Variants in PCDH15 observed in about 807,000 individuals in gnomAD.
PCDH15 encodes the protein protocadherin-15.
In PCDH15, 129 loss-of-function variants were observed where a neutral mutation model predicts 178.5. That is an observed-to-expected ratio of 0.72 (90% CI 0.63 to 0.84). PCDH15 has a LOEUF of 0.84. PCDH15 is among the 40% of genes least tolerant of loss of function. PCDH15 has a pLI of 0.00. For missense variants in PCDH15, 2,230 were observed against 2,099.9 expected (o/e 1.06, Z -1.21); for synonymous variants, 800 against 732.0 (o/e 1.09, Z -1.50).
At chr10:55,017,350 C>T (rs762779575) in intron 2 of PCDH15, among the ~76,000 whole-genome samples, 2 of 152,076 alleles carry the variant, frequency 1.3e-5, no homozygotes, top group Non-Finnish European at 2.9e-5. Flanking sequence ...TATGATAATA[C>T]TAATGGGAGT....
chr10:54,631,640 T>G (rs540454636), intron 2 of PCDH15, among the ~76,000 whole-genome samples: 1 of 152,196 alleles, frequency 6.6e-6, no homozygotes, highest in African/African-American at 2.4e-5. Context: ...AAAAGCCAAG[T>G]GTATTAGTCT....
intron 6 of PCDH15, among the ~76,000 whole-genome samples, chr10:54,343,947 G>T (rs960014028): frequency 5.9e-5 from 9 of 151,524 alleles, no homozygotes; most frequent in Non-Finnish European, 1.2e-4. Flanking sequence ...TTGCTTTATT[G>T]AAATGTTATT....
intron 18 of PCDH15, among the ~76,000 whole-genome samples, chr10:54,057,069 G>A (rs2135701844): frequency 6.6e-6 from 1 of 152,322 alleles, no homozygotes; most frequent in South Asian, 2.1e-4. Context: ...CCACCCCTGT[G>A]ACTTTGAAGG....
intron 3 of PCDH15, among the ~76,000 whole-genome samples, chr10:54,379,792 AC>A: frequency 6.6e-6 from 1 of 152,066 alleles, no homozygotes; most frequent in East Asian, 1.9e-4. Flanking sequence ...ATCATTTTCA[AC>A]CGATCCATTT....
chr10:54,236,942 A>C lies in PCDH15; in HGVS notation c.877-11T>G. ...GGGGTTCAGTTCTTCCTGAAAAAAAAATTAAGAGAGTTTCATTCAGCCGCA... is the reference window on the plus strand; with the variant it reads ...GGGGTTCAGTTCTTCCTGAAAAAAACATTAAGAGAGTTTCATTCAGCCGCA... On this transcript the variant is annotated splice_polypyrimidine_tract_variant and intron_variant, in intron 8 of 37. Transcript: ENST00000644397. 1 of 1,600,420 alleles carries C rather than the reference A, an allele frequency of 6.2e-7. No homozygotes were observed. Among genetic ancestry groups the C allele is most frequent in the Non-Finnish European group, 8.6e-7 (1 of 1,167,658 alleles).
intron 1 of PCDH15, among the ~76,000 whole-genome samples, chr10:54,733,779 A>G (rs1019988454): frequency 6.6e-6 from 1 of 151,692 alleles, no homozygotes; most frequent in Non-Finnish European, 1.5e-5. Flanking sequence ...AATAAATAGA[A>G]TATAAATAGA....
At chr10:55,514,308 T>A (rs1164922686) in intron 2 of PCDH15, among the ~76,000 whole-genome samples, 1 of 152,170 alleles carries the variant, frequency 6.6e-6, no homozygotes, top group Non-Finnish European at 1.5e-5. Context: ...TGGTTTCAGA[T>A]TTCTCATTGA....
chr10:55,457,686 C>T (rs868587204), intron 2 of PCDH15, among the ~76,000 whole-genome samples: 3 of 152,030 alleles, frequency 2.0e-5, no homozygotes, highest in Admixed American at 1.3e-4. Flanking sequence ...GAGGGCCCGA[C>T]GGCTTCCTTT....
chr10:53,823,608 T>C (rs1355049862), intron 32 of PCDH15, among the ~76,000 whole-genome samples: 2 of 152,008 alleles, frequency 1.3e-5, no homozygotes, highest in Non-Finnish European at 2.9e-5. Flanking sequence ...TAGATTATTT[T>C]GGAAGAGAGT....
At chr10:55,079,998 G>T (rs74136346) in intron 2 of PCDH15, among the ~76,000 whole-genome samples, 1,942 of 152,166 alleles carry the variant, frequency 0.013, 42 homozygotes, top group African/African-American at 0.045. Context: ...TGGGTTTGAA[G>T]AATCTGGCCT....
At chr10:55,450,742 C>T (rs1036230167) in intron 2 of PCDH15, among the ~76,000 whole-genome samples, 2 of 151,824 alleles carry the variant, frequency 1.3e-5, no homozygotes, top group African/African-American at 4.8e-5. Context: ...ATATGTGTTA[C>T]TGTAGAATCT....
chr10:55,293,644 A>C (rs1465978209), intron 1 of PCDH15, among the ~76,000 whole-genome samples: 1 of 152,198 alleles, frequency 6.6e-6, no homozygotes, highest in Non-Finnish European at 1.5e-5. Flanking sequence ...AAAGTTCCAC[A>C]AATCTCTAGG....
chr10:55,074,419 A>G (rs1841828684), intron 2 of PCDH15, among the ~76,000 whole-genome samples: 1 of 152,116 alleles, frequency 6.6e-6, no homozygotes, highest in Admixed American at 6.6e-5. Flanking sequence ...CTGGCATGAG[A>G]TGGTATCTCA....
chr10:54,530,055 T>A (rs1376033075), intron 2 of PCDH15, among the ~76,000 whole-genome samples: 2 of 152,024 alleles, frequency 1.3e-5, no homozygotes, highest in African/African-American at 4.8e-5. Flanking sequence ...TATAGAATAA[T>A]AAAAGAAGGG....
chr10:54,613,960 A>C (rs1316639898), intron 2 of PCDH15, among the ~76,000 whole-genome samples: 1 of 151,944 alleles, frequency 6.6e-6, no homozygotes, highest in African/African-American at 2.4e-5. Flanking sequence ...AAAATTATAT[A>C]GTTTTCCATT....
chr10:55,386,795 A>T (rs1436197574), intron 2 of PCDH15, among the ~76,000 whole-genome samples: 1 of 152,130 alleles, frequency 6.6e-6, no homozygotes, highest in African/African-American at 2.4e-5. Flanking sequence ...GTAATATTTG[A>T]CAATGCAAAC....
chr10:54,567,295 C>A (rs1738309282), intron 2 of PCDH15, among the ~76,000 whole-genome samples: 1 of 152,130 alleles, frequency 6.6e-6, no homozygotes, highest in South Asian at 2.1e-4. Flanking sequence ...TCTTCTCATT[C>A]ATTTGACACT....
intron 3 of PCDH15, among the ~76,000 whole-genome samples, chr10:54,413,172 A>G (rs888730535): frequency 6.6e-6 from 1 of 151,108 alleles, no homozygotes; most frequent in Non-Finnish European, 1.5e-5. Flanking sequence ...ACAATATAGC[A>G]TCTCTCTCTC....
chr10:54,383,985 ATTTTTTTTTTTTTTTTTTTTTT>A (rs59756150), intron 3 of PCDH15, among the ~76,000 whole-genome samples: 5 of 129,168 alleles, frequency 3.9e-5, no homozygotes, highest in Non-Finnish European at 6.4e-5. Context: ...CAAACAGTTA[ATTTTTTTTTTTTTTTTTTTTTT>A]TTTTTTAGTG....
Sources: gnomAD v4.1 joint callset for allele counts (sites outside exome capture counted in the v4.1 genomes callset) on GRCh38, gnomAD v4.1.1 for gene constraint, MANE v1.5 for transcripts, NCBI Gene and HGNC (gene_info 2026-07-23, HGNC 2026-07-21) for gene names.